THAP7: variants seen among roughly 807,000 people sequenced by gnomAD.
THAP7 encodes THAP domain containing 7.
THAP7 carries 22 observed loss-of-function variants against 29.2 expected under a neutral mutation model. The observed-to-expected ratio is 0.75, with a 90% CI of 0.54 to 1.08. The LOEUF (loss-of-function observed/expected upper bound fraction) is 1.08. Ranked by LOEUF, THAP7 falls within the 50% of genes least tolerant of loss-of-function variation. The pLI, the probability that THAP7 is intolerant of heterozygous loss-of-function variation, is 0.00. For missense variants in THAP7, 448 were observed against 416.2 expected, an observed-to-expected ratio of 1.08 and a Z score of -0.66; for synonymous variants, 208 against 173.4, an observed-to-expected ratio of 1.20 and a Z score of -1.57.
Position 21,000,150 on chromosome 22 carries a change from TG to T in THAP7, c.659del (p.Pro220HisfsTer51). ...CATTCTGGATGTAGGCTCCGGCGGG[TG>T]GGGGCAGGCGCAGCATATACGCTGA... Reference protein sequence around the residue: ...SPSAYMLRLPPPAGAYIQNEH... With the variant: ...SPSAYMLRLPXPAGAYIQNEH... On this transcript the variant is annotated frameshift_variant, in exon 4 of 4. Coordinates refer to ENST00000215742, the MANE Select transcript of THAP7 (RefSeq NM_030573.3). LOFTEE classifies it high-confidence loss of function. 6.3e-7 allele frequency: 1 copy of T among 1,594,996 alleles called. No homozygotes were observed. The highest frequency in any genetic ancestry group is 8.5e-7 in the Non-Finnish European group (1 of 1,171,452).
chr22:20,999,798 G>A lies in THAP7; in HGVS notation c.*82C>T. 2.0e-6 allele frequency: 3 copies of A among 1,474,204 alleles called. No homozygotes were observed. The East Asian group carries it at 6.9e-5, about 34-fold the overall frequency. The allele number at this position is 1,474,204 out of a possible 1,614,324, so 91.3% of individuals were successfully genotyped here. On this transcript the variant is annotated 3_prime_UTR_variant, in exon 4 of 4. Transcript: ENST00000215742. ...TCCGTCTAGAATCCGCTTTATTATG[G>A]CACCTGGTGGGTCTGGTGGGATCTG...
At chr22:21,001,085 C>T (rs1423520447) in intron 2 of THAP7, 171 bp downstream of exon 2, 1 of 1,038,478 alleles carries the variant, frequency 9.6e-7, no homozygotes, top group East Asian at 2.5e-5. Context: ...CTGTTTTCCC[C>T]TTGTGTCACA....
In THAP7 at chr22:21,000,093, G is replaced by A. The variant is rs369415723; in HGVS notation, c.717C>T (p.Leu239=). The A allele has an allele frequency of 1.6e-4, 251 of 1,612,478 alleles. No homozygotes were observed. Among genetic ancestry groups the A allele is most frequent in the Non-Finnish European group, 2.0e-4 (240 of 1,179,842 alleles). The change falls in exon 4 of 4, where the codon CTC becomes CTT. Residue 239 remains leucine, a synonymous_variant. Coordinates refer to ENST00000215742, the MANE Select transcript of THAP7 (RefSeq NM_030573.3). ...GGGCTGCCTCGGCTCGCCGCTTCCA[G>A]AGTAAGGCGCTGCCCACCTGGTAGC... is the stretch of plus-strand genomic sequence containing the variant. The part of the protein sequence containing the change: ...EHSYQVGSAL[L]WKRRAEAALD...
At chr22:21,001,532 C>A in intron 1 of THAP7, 121 bp from the exon 2 acceptor site, 1 of 1,447,766 alleles carries the variant, frequency 6.9e-7, no homozygotes, top group Non-Finnish European at 9.2e-7. Flanking sequence ...CCTGCGACCC[C>A]GCCGGGTAAG....
chr22:21,000,009 C>T lies in THAP7; in HGVS notation c.801G>A (p.Arg267=). The stretch of plus-strand genomic sequence containing the variant: ...GCAGCTTGGTCAGTCTCAACCGCAG[C>T]CGCTGCTCCCGCCGCTTGCAGGCCT... ...QLQACKRREQ[R]LRLRLTKLQQ... is the part of the protein sequence containing the mutation. Residue 267 remains arginine, a synonymous_variant, in exon 4 of 4, where the codon CGG becomes CGA. Coordinates refer to ENST00000215742, the MANE Select transcript of THAP7 (RefSeq NM_030573.3). 3 of 1,612,566 alleles carry T rather than the reference C, an allele frequency of 1.9e-6. No homozygotes were observed. The highest frequency in any genetic ancestry group is 2.2e-5 in the South Asian group (2 of 91,072).
In THAP7 at chr22:21,000,626, TC is replaced by T. The variant is rs559099086; in HGVS notation, c.377+20del. ...TCAGCCTAGGGGTGGGAGTGGGGCA[TC>T]CCCCACCCATATCACATACCGCTTC... On this transcript the variant is annotated intron_variant, in intron 3 of 3. Transcript: ENST00000215742. 5.3e-5 allele frequency: 85 copies of T among 1,613,574 alleles called. No individual in the cohort carries two copies. In the African/African-American group the frequency reaches 1.0e-3, roughly 20 times the overall value.
intron 1 of THAP7, 44 bp from the exon 2 acceptor site, chr22:21,001,455 T>C (rs1397095142): frequency 6.3e-7 from 1 of 1,597,750 alleles, no homozygotes; most frequent in African/African-American, 1.3e-5. Context: ...TCCACAGCCC[T>C]GGGCTCATGC....
At position 21,000,719 on chromosome 22, in the gene THAP7, G is replaced by C. The variant is rs1359464872; in HGVS notation, c.305C>G (p.Thr102Arg). The C allele has an allele frequency of 2.5e-6, 4 of 1,614,086 alleles. 1 individual carries two copies. The highest frequency in any genetic ancestry group is 3.4e-6 in the Non-Finnish European group (4 of 1,180,036). ...IFESFSKLRR[T>R]TKTKGHSYPP... is the part of the protein sequence containing the mutation. ...GTAACTGTGTCCTTTGGTCTTGGTT[G>C]TCCGGCGCAACTTGGAGAAAGACTC... is the stretch of plus-strand genomic sequence containing the variant. The change falls in exon 3 of 4, where the codon ACA becomes AGA. Residue 102 changes from threonine (T) to arginine (R), a missense_variant. By Grantham distance (71) the Thr-to-Arg change is moderately conservative. Coordinates refer to ENST00000215742, the MANE Select transcript of THAP7 (RefSeq NM_030573.3).
chr22:21,001,886 C>G lies in THAP7; in HGVS notation c.26G>C (p.Gly9Ala). 6.4e-7 allele frequency: 1 copy of G among 1,573,358 alleles called. No homozygotes were observed. The highest frequency in any genetic ancestry group is 8.6e-7 in the Non-Finnish European group (1 of 1,160,776). The change falls in exon 1 of 4, where the codon GGC becomes GCC. Residue 9 changes from glycine (G) to alanine (A), a missense_variant. Gly to Ala is a moderately conservative substitution (Grantham distance 60). Coordinates refer to ENST00000215742, the MANE Select transcript of THAP7 (RefSeq NM_030573.3). The stretch of plus-strand genomic sequence containing the variant: ...CTCGCGCGTGTCCCGTGTGCAGCAG[C>G]CGGCGGCGGAGCAGTGACGCGGCAT... MPRHCSAAGCCTRDTRETR... is the reference protein window; with the variant it reads MPRHCSAAACCTRDTRETR...
intron 2 of THAP7, 128 bp from the exon 3 acceptor site, chr22:21,000,915 G>T: frequency 7.0e-7 from 1 of 1,430,072 alleles, no homozygotes; most frequent in Non-Finnish European, 9.6e-7. Flanking sequence ...GGAACGCCAA[G>T]TTACAGCTAC....
intron 1 of THAP7, 40 bp from the exon 2 acceptor site, chr22:21,001,451 G>A (rs1312189527): frequency 5.6e-6 from 9 of 1,599,540 alleles, no homozygotes; most frequent in Non-Finnish European, 7.7e-6. Flanking sequence ...GCTGTCCACA[G>A]CCCTGGGCTC....
At position 21,000,402 on chromosome 22, in the gene THAP7, T is replaced by C; in HGVS notation, c.408A>G (p.Pro136=). 1 of 1,553,148 alleles carries C rather than the reference T, an allele frequency of 6.4e-7. No individual in the cohort carries two copies. The highest frequency in any genetic ancestry group is 8.7e-7 in the Non-Finnish European group (1 of 1,148,848). The change falls in exon 4 of 4, where the codon CCA becomes CCG. Residue 136 remains proline (P), a synonymous_variant. Transcript: ENST00000215742. ...RCSEGRGPTT[P]FSPPPPADVT... is the part of the protein sequence containing the mutation. The stretch of plus-strand genomic sequence containing the variant: ...CATCAGCAGGTGGAGGTGGAGAAAA[T>C]GGAGTTGTGGGCCCTCGGCCCTCGG...
chr22:21,000,930 A>C, intron 2 of THAP7, 143 bp from the exon 3 acceptor site: 5 of 1,300,578 alleles, frequency 3.8e-6, no homozygotes, highest in Non-Finnish European at 5.3e-6. Context: ...AGCTACACCA[A>C]TCGCTTCCCC....
In THAP7 at chr22:21,002,095, A is replaced by G. The variant is rs1036960572; in HGVS notation, c.-184T>C. On this transcript the variant is annotated 5_prime_UTR_variant, in exon 1 of 4. An upstream start codon of the reference 5' UTR is lost. Coordinates refer to ENST00000215742, the MANE Select transcript of THAP7 (RefSeq NM_030573.3). Reference sequence around the variant, plus strand: ...TGTCAGCGGCACTCACGCTCTGGCCATTGCTGCGCCGCCGAAGTCTCGCGA... The same window carrying G: ...TGTCAGCGGCACTCACGCTCTGGCCGTTGCTGCGCCGCCGAAGTCTCGCGA... 2 of 589,860 alleles carry G rather than the reference A, an allele frequency of 3.4e-6. No individual in the cohort carries two copies. 36.5% of individuals were successfully genotyped at this position (589,860 alleles called of 1,614,324 possible).
intron 3 of THAP7, 84 bp downstream of exon 3, chr22:21,000,563 A>G: frequency 1.9e-6 from 3 of 1,595,756 alleles, no homozygotes; most frequent in Non-Finnish European, 2.6e-6. Flanking sequence ...AACCCTGTCC[A>G]GCGAGACTGC....
In THAP7 at chr22:21,001,317, C is replaced by G. The variant is rs200540683; in HGVS notation, c.175G>C (p.Glu59Gln). 1.9e-6 allele frequency: 3 copies of G among 1,614,130 alleles called. No homozygotes were observed. Among genetic ancestry groups the G allele is most frequent in the South Asian group, 1.1e-5 (1 of 91,084 alleles). The change falls in exon 2 of 4, where the codon GAG (glutamate) becomes CAG (glutamine). Residue 59 changes from glutamate to glutamine, a missense_variant. Transcript: ENST00000215742. ...TGTTTGGAGCAGAAGTAGATGTACT[C>G]GGATGCCGGGTCCCACAGGCCCTGG... is the stretch of plus-strand genomic sequence containing the variant. The part of the protein sequence containing the change: ...SGQGLWDPAS[E>Q]YIYFCSKHFE...
rs1402964105 is a variant in THAP7 at position 21,001,952 on chromosome 22, G to A, written c.-41C>T. 1.3e-6 allele frequency: 2 copies of A among 1,516,882 alleles called. No individual in the cohort carries two copies. Among genetic ancestry groups the A allele is most frequent in the Non-Finnish European group, 8.8e-7 (1 of 1,131,058 alleles). 94.0% of individuals were successfully genotyped at this position (1,516,882 alleles called of 1,614,324 possible). On this transcript the variant is annotated 5_prime_UTR_variant, in exon 1 of 4. Coordinates refer to ENST00000215742, the MANE Select transcript of THAP7 (RefSeq NM_030573.3). ...GAGTTAAGTCGCAAGCGGCTCTCCGGGCATCCGGAGGAGCCTCGCGCCTCC... is the reference window on the plus strand; with the variant it reads ...GAGTTAAGTCGCAAGCGGCTCTCCGAGCATCCGGAGGAGCCTCGCGCCTCC...
intron 1 of THAP7, 62 bp downstream of exon 1, chr22:21,001,770 C>A: frequency 2.0e-6 from 3 of 1,495,894 alleles, no homozygotes; most frequent in African/African-American, 1.4e-5. Context: ...TACGCAGTTG[C>A]GACCCGAGGC....
Position 21,000,264 on chromosome 22 carries a change from C to G in THAP7, c.546G>C (p.Leu182Phe). The G allele has an allele frequency of 1.3e-6, 2 of 1,557,134 alleles. No homozygotes were observed. The highest frequency in any genetic ancestry group is 1.7e-6 in the Non-Finnish European group (2 of 1,150,188). Residue 182 changes from leucine to phenylalanine, a missense_variant, in exon 4 of 4, where the codon TTG becomes TTC. Physicochemically the swap from Leu to Phe is conservative, Grantham distance 22 (BLOSUM62 0). Transcript: ENST00000215742. ...SSPFSDLLGPLGAQADEAGCS... is the reference protein window; with the variant it reads ...SSPFSDLLGPFGAQADEAGCS... ...AGCCTGCTTCATCTGCCTGGGCACC[C>G]AAGGGGCCCAGTAGGTCTGAAAAGG...
Sources: allele counts gnomAD v4.1 joint callset, GRCh38; gene constraint gnomAD v4.1.1; transcripts MANE v1.5; gene names NCBI Gene and HGNC (gene_info 2026-07-23, HGNC 2026-07-21).